CADPS: variants seen among roughly 807,000 people sequenced by gnomAD.
The protein encoded by CADPS is calcium dependent secretion activator.
In CADPS, 57 loss-of-function variants were observed where a neutral mutation model predicts 167.3. That is an observed-to-expected ratio of 0.34 (90% CI 0.28 to 0.42). The LOEUF is 0.42. CADPS is among the 20% of genes least tolerant of loss of function. The pLI, the probability that CADPS is intolerant of heterozygous loss-of-function variation, is 1.00. For missense variants in CADPS, 1,414 were observed against 1,738.1 expected, an observed-to-expected ratio of 0.81 and a Z score of 3.32; for synonymous variants, 676 against 635.3, an observed-to-expected ratio of 1.06 and a Z score of -0.96.
intron 3 of CADPS, among the ~76,000 whole-genome samples, chr3:62,676,245 A>G (rs1449475238): frequency 1.3e-5 from 2 of 152,148 alleles, no homozygotes; most frequent in East Asian, 3.9e-4. Flanking sequence ...TGGCTTTAAG[A>G]TGAAGTGAAA....
chr3:62,678,254 G>T (rs2150969138), intron 3 of CADPS, among the ~76,000 whole-genome samples: 1 of 152,154 alleles, frequency 6.6e-6, no homozygotes, highest in Non-Finnish European at 1.5e-5. Flanking sequence ...AGAAAATCTG[G>T]GGGTGGGGTA....
At chr3:62,638,517 G>A (rs2066781948) in intron 6 of CADPS, among the ~76,000 whole-genome samples, 1 of 152,118 alleles carries the variant, frequency 6.6e-6, no homozygotes, top group Non-Finnish European at 1.5e-5. Flanking sequence ...TAATAGAGAA[G>A]CTGAATCAGA....
intron 13 of CADPS, chr3:62,530,585 C>A: frequency 1.0e-6 from 1 of 961,728 alleles, no homozygotes; most frequent in Non-Finnish European, 1.3e-6. Flanking sequence ...GAAGTGATGG[C>A]ATGGATGGAG....
chr3:62,623,244 G>A (rs1350783248), intron 6 of CADPS, among the ~76,000 whole-genome samples: 1 of 152,124 alleles, frequency 6.6e-6, no homozygotes. Flanking sequence ...TGATCCAGAA[G>A]AGAGAGCTGA....
chr3:62,759,249 G>T (rs966747691), intron 2 of CADPS, among the ~76,000 whole-genome samples: 1 of 152,134 alleles, frequency 6.6e-6, no homozygotes, highest in Non-Finnish European at 1.5e-5. Flanking sequence ...ACCTTCCTTT[G>T]TAGGATTTTG....
rs571260398 is a variant in CADPS at position 62,486,970 on chromosome 3, G to A, written c.3026+4369C>T. 3.9e-5 allele frequency among the ~76,000 whole-genome samples: 6 copies of A among 152,318 alleles called. No individual in the cohort carries two copies. In the South Asian group the frequency reaches 1.2e-3, roughly 32 times the overall value. On this transcript the variant is annotated intron_variant, in intron 21 of 29. Coordinates refer to ENST00000383710, the MANE Select transcript of CADPS (RefSeq NM_003716.4). ...CAGGTCATTGACATGGAAATGAGTG[G>A]TAACTCCATGGCAATGGTAAACTGA...
chr3:62,455,483 T>C lies in CADPS; in HGVS notation c.3637-9686A>G, dbSNP rs891901516. ...TATGGAGCTGGTATTTGAAGCATGG[T>C]TTCCTTGGACTCCAGGGTTTGCCCT... On this transcript the variant is annotated intron_variant, in intron 26 of 29. Transcript: ENST00000383710. The surrounding 1 kb of genome is among the most constrained non-coding windows in gnomAD (Gnocchi z 4.4). Among the ~76,000 whole-genome samples, 17 of 152,188 alleles carry C rather than the reference T, an allele frequency of 1.1e-4. No homozygotes were observed. Among genetic ancestry groups the C allele is most frequent in the Admixed American group, 7.2e-4 (11 of 15,278 alleles).
intron 28 of CADPS, among the ~76,000 whole-genome samples, chr3:62,430,330 A>G (rs1425368550): frequency 6.6e-6 from 1 of 152,148 alleles, no homozygotes; most frequent in Non-Finnish European, 1.5e-5. Flanking sequence ...GGAAGAGGGG[A>G]TTGACATTTG....
In CADPS at chr3:62,433,589, CG is replaced by C. The variant is rs2054403610; in HGVS notation, c.3777+4514del. Among the ~76,000 whole-genome samples, 2 of 152,256 alleles carry C rather than the reference CG, an allele frequency of 1.3e-5. No individual in the cohort carries two copies. Among genetic ancestry groups the C allele is most frequent in the African/African-American group, 2.4e-5 (1 of 41,560 alleles). ...TCCCTGGGCCTGGTTCCCAATGACACGGGGCCTGAAGAAAGCCAGTGCGGAT... is the reference window on the plus strand; with the variant it reads ...TCCCTGGGCCTGGTTCCCAATGACACGGGCCTGAAGAAAGCCAGTGCGGAT... On this transcript the variant is annotated intron_variant, in intron 28 of 29. Transcript: ENST00000383710. The surrounding 1 kb of genome is among the most constrained non-coding windows in gnomAD (Gnocchi z 4.7).
chr3:62,563,582 T>C (rs1367083096), intron 9 of CADPS, among the ~76,000 whole-genome samples: 1 of 152,226 alleles, frequency 6.6e-6, no homozygotes, highest in African/African-American at 2.4e-5. Flanking sequence ...ACAGGTGATA[T>C]TCAGTTACAT....
At chr3:62,435,866 G>T (rs2054910350) in intron 28 of CADPS, among the ~76,000 whole-genome samples, 1 of 152,032 alleles carries the variant, frequency 6.6e-6, no homozygotes, top group African/African-American at 2.4e-5. Flanking sequence ...TTCAACAAGG[G>T]ACTGGAGTTA....
At chr3:62,698,483 A>T (rs1239730776) in intron 3 of CADPS, among the ~76,000 whole-genome samples, 1 of 152,052 alleles carries the variant, frequency 6.6e-6, no homozygotes, top group Non-Finnish European at 1.5e-5. Flanking sequence ...ATACCTGCTC[A>T]GGTGCATCTT....
chr3:62,741,840 G>C (rs1237035680), intron 3 of CADPS, among the ~76,000 whole-genome samples: 2 of 152,194 alleles, frequency 1.3e-5, no homozygotes, highest in East Asian at 1.9e-4. Context: ...AACTATCCCT[G>C]TTTGCAGATG....
chr3:62,875,198 G>T lies in CADPS; in HGVS notation c.-169C>A. ...GCCGCCGCGACTGATCCTCTGCCCG[G>T]CGGTCGCGAGCTGGGCTCAGACCCA... On this transcript the variant is annotated 5_prime_UTR_variant, in exon 1 of 30. Transcript: ENST00000383710. 3.3e-6 allele frequency: 3 copies of T among 903,158 alleles called. No individual in the cohort carries two copies. The South Asian group carries it at 9.2e-5, about 28-fold the overall frequency. 55.9% of individuals were successfully genotyped at this position (903,158 alleles called of 1,614,324 possible).
chr3:62,424,114 A>C (rs927927213), intron 28 of CADPS, among the ~76,000 whole-genome samples: 3 of 152,148 alleles, frequency 2.0e-5, no homozygotes, highest in African/African-American at 7.2e-5. Flanking sequence ...CATCTTCTAG[A>C]GGCACAGAGT....
rs78554044 is a variant in CADPS at position 62,846,219 on chromosome 3, T to C, written c.441+28370A>G. 6.5e-3 allele frequency among the ~76,000 whole-genome samples: 993 copies of C among 152,222 alleles called. 14 individuals are homozygous for C. Among genetic ancestry groups the C allele is most frequent in the African/African-American group, 0.022 (923 of 41,534 alleles). Reference sequence around the variant, plus strand: ...CACTTCAGCCTCTTTTAAAAATAAATTACCCAGTCTCAGGTAGTTATTTAT... The same window carrying C: ...CACTTCAGCCTCTTTTAAAAATAAACTACCCAGTCTCAGGTAGTTATTTAT... On this transcript the variant is annotated intron_variant, in intron 1 of 29. Transcript: ENST00000383710.
At chr3:62,581,952 T>C (rs2083512181) in intron 8 of CADPS, among the ~76,000 whole-genome samples, 2 of 152,162 alleles carry the variant, frequency 1.3e-5, no homozygotes. Flanking sequence ...GATACTAACA[T>C]TTTAAGGTCA....
chr3:62,525,090 G>A (rs1478433055), intron 13 of CADPS, among the ~76,000 whole-genome samples: 2 of 152,140 alleles, frequency 1.3e-5, no homozygotes, highest in African/African-American at 4.8e-5. Flanking sequence ...ATGACTATGG[G>A]ATAAAGACAC....
chr3:62,808,148 C>T (rs1182864345), intron 1 of CADPS, among the ~76,000 whole-genome samples: 1 of 152,116 alleles, frequency 6.6e-6, no homozygotes, highest in Non-Finnish European at 1.5e-5. Context: ...GCTGGGATTA[C>T]AGGTATGAGC....
Sources: gnomAD v4.1 joint callset for allele counts (sites outside exome capture counted in the v4.1 genomes callset) on GRCh38, gnomAD v4.1.1 for gene constraint, Gnocchi (gnomAD v3.1) non-coding constraint, MANE v1.5 for transcripts, NCBI Gene and HGNC (gene_info 2026-07-23, HGNC 2026-07-21) for gene names.